Variants in NEFH observed in about 807,000 individuals in gnomAD.
The protein encoded by NEFH is neurofilament heavy polypeptide.
In NEFH, 58 loss-of-function variants were observed where a neutral mutation model predicts 56.6. The observed-to-expected ratio is 1.03, with a 90% confidence interval of 0.83 to 1.28. The LOEUF is 1.28. Among genes scored for constraint, NEFH ranks in the 50% most tolerant of loss-of-function variants. The pLI is 0.00. For synonymous variants in NEFH, 542 were observed against 545.8 expected (o/e 0.99, Z 0.10); for missense variants, 1,221 against 1,307.6 (o/e 0.93, Z 1.02).
intron 2 of NEFH, among the ~76,000 whole-genome samples, chr22:29,484,402 G>A (rs1410938525): frequency 6.6e-6 from 1 of 152,060 alleles, no homozygotes; most frequent in Non-Finnish European, 1.5e-5. Flanking sequence ...CACTTTAGGA[G>A]GCCAAGGCGG....
intron 2 of NEFH, among the ~76,000 whole-genome samples, chr22:29,484,105 C>G (rs912611388): frequency 6.6e-5 from 10 of 152,162 alleles, no homozygotes; most frequent in Non-Finnish European, 1.0e-4. Flanking sequence ...CCACTTCAGC[C>G]TCCCAAAGTG....
At position 29,490,232 on chromosome 22, in the gene NEFH, A is replaced by G; in HGVS notation, c.2592A>G (p.Ala864=). The change falls in exon 4 of 4, where the codon GCA becomes GCG. Residue 864 remains alanine, a synonymous_variant. Coordinates refer to ENST00000310624, the MANE Select transcript of NEFH (RefSeq NM_021076.4). ...EEKKDSKKEE[A]PKKEAPKPKV... ...AGAAGGACAGCAAGAAAGAGGAGGC[A>G]CCCAAGAAGGAGGCTCCAAAGCCCA... 1 of 1,610,952 alleles carries G rather than the reference A, an allele frequency of 6.2e-7. No individual in the cohort carries two copies. Among genetic ancestry groups the G allele is most frequent in the Non-Finnish European group, 8.5e-7 (1 of 1,178,488 alleles).
At chr22:29,482,240 C>G (rs951306151) in intron 1 of NEFH, among the ~76,000 whole-genome samples, 5 of 152,210 alleles carry the variant, frequency 3.3e-5, no homozygotes, top group African/African-American at 1.2e-4. Flanking sequence ...CAAGGCCCCT[C>G]CCTGCGCAAA....
At chr22:29,486,519 CTTTTTTTT>C in intron 3 of NEFH, among the ~76,000 whole-genome samples, 1 of 102,480 alleles carries the variant, frequency 9.8e-6, no homozygotes, top group South Asian at 3.5e-4. Context: ...AGACATGAGT[CTTTTTTTT>C]TTTTTTTTTT....
In NEFH at chr22:29,484,199, G is replaced by A. The variant is rs559998987; in HGVS notation, c.1083+625G>A. On this transcript the variant is annotated intron_variant, in intron 2 of 3. Transcript: ENST00000310624. The stretch of plus-strand genomic sequence containing the variant: ...TTAGTGTGAACTTGTGAATGAGCTC[G>A]GCAAGGTCTTCAACATTCGAATCTT... Among the ~76,000 whole-genome samples, 14 of 152,208 alleles carry A rather than the reference G, an allele frequency of 9.2e-5. No individual in the cohort carries two copies. The East Asian group carries it at 1.2e-3, about 13-fold the overall frequency.
At chr22:29,485,459 C>T (rs557558475) in intron 2 of NEFH, among the ~76,000 whole-genome samples, 3 of 152,218 alleles carry the variant, frequency 2.0e-5, no homozygotes, top group Non-Finnish European at 4.4e-5. Context: ...ATCCTGCCAG[C>T]CAAACCAGCA....
rs570167906 is a variant in NEFH, at chr22:29,483,641, T to C, written c.1083+67T>C. The C allele has an allele frequency of 4.6e-6, 7 of 1,509,734 alleles. No individual in the cohort carries two copies. The South Asian group carries it at 8.0e-5, about 17-fold the overall frequency. 93.5% of individuals were successfully genotyped at this position (1,509,734 alleles called of 1,614,324 possible). A position where few individuals can be genotyped will look rare whatever the true frequency, so the allele number is the denominator to read the frequency against. ...TTGGGTAGCCCTGGACAAGTTACTG[T>C]CCCTCACTGAGTGGGGTTGTAGTGG... On this transcript the variant is annotated intron_variant, in intron 2 of 3. Coordinates refer to ENST00000310624, the MANE Select transcript of NEFH (RefSeq NM_021076.4).
intron 1 of NEFH, 78 bp downstream of exon 1, chr22:29,481,223 G>C: frequency 7.1e-7 from 1 of 1,408,418 alleles, no homozygotes; most frequent in Admixed American, 2.0e-5. Context: ...GACCCAAGGG[G>C]GCGCTGCCGG....
chr22:29,489,962 A>C lies in NEFH; in HGVS notation c.2322A>C (p.Ala774=). 6.2e-7 allele frequency: 1 copy of C among 1,613,624 alleles called. No individual in the cohort carries two copies. The highest frequency in any genetic ancestry group is 2.2e-5 in the East Asian group (1 of 44,844). Residue 774 remains alanine, a synonymous_variant, in exon 4 of 4, where the codon GCA becomes GCC. Coordinates refer to ENST00000310624, the MANE Select transcript of NEFH (RefSeq NM_021076.4). ...PEAKTPAKEE[A]RSPADKFPEK... ...CCAAGACTCCAGCGAAGGAGGAAGC[A>C]AGGTCCCCTGCAGACAAATTCCCTG...
Position 29,480,782 on chromosome 22 carries a change from C to T in NEFH, c.520C>T (p.Leu174=). 1.4e-6 allele frequency: 2 copies of T among 1,432,560 alleles called. No homozygotes were observed. Among genetic ancestry groups the T allele is most frequent in the African/African-American group, 1.5e-5 (1 of 66,204 alleles). 88.7% of individuals were successfully genotyped at this position (1,432,560 alleles called of 1,614,324 possible). Reference sequence around the variant, plus strand: ...TCAGCTACGCCTGGAGCAGGAGCACCTGCTCGAGGACATCGCGCACGTGCG... The same window carrying T: ...TCAGCTACGCCTGGAGCAGGAGCACTTGCTCGAGGACATCGCGCACGTGCG... ...RGQLRLEQEH[L]LEDIAHVRQR... is the part of the protein sequence containing the mutation. The change falls in exon 1 of 4, where the codon CTG becomes TTG. Residue 174 remains leucine, a synonymous_variant. Coordinates refer to ENST00000310624, the MANE Select transcript of NEFH (RefSeq NM_021076.4).
chr22:29,488,420 G>A (rs554833319), intron 3 of NEFH, among the ~76,000 whole-genome samples: 2 of 152,194 alleles, frequency 1.3e-5, no homozygotes, highest in East Asian at 3.9e-4. Context: ...GTTTGCTCAG[G>A]CTCCCAGGGT....
rs1326169574 is a variant in NEFH at position 29,480,602 on chromosome 22, A to T, written c.340A>T (p.Lys114Ter). The T allele has an allele frequency of 6.4e-7, 1 of 1,563,724 alleles. No homozygotes were observed. The highest frequency in any genetic ancestry group is 1.2e-5 in the South Asian group (1 of 86,236). Residue 114 changes from lysine (K) to a stop codon, truncating the protein, a stop_gained, in exon 1 of 4, where the codon AAG becomes TAG. Coordinates refer to ENST00000310624, the MANE Select transcript of NEFH (RefSeq NM_021076.4). LOFTEE classifies it high-confidence loss of function. ...LNDRFAGYID[K>*]VRQLEAHNRS... ...CGACCGCTTCGCCGGGTACATCGAC[A>T]AGGTGCGGCAGCTGGAGGCGCACAA... is the stretch of plus-strand genomic sequence containing the variant.
At chr22:29,482,876 G>A (rs60499988) in intron 1 of NEFH, among the ~76,000 whole-genome samples, 3,027 of 152,308 alleles carry the variant, frequency 0.02, 105 homozygotes, top group African/African-American at 0.07. Context: ...CACTAGCTGG[G>A]TGGCCTTGGG....
chr22:29,491,046 A>T lies in NEFH; in HGVS notation c.*343A>T. 1 of 405,662 alleles carries T rather than the reference A, an allele frequency of 2.5e-6. No homozygotes were observed. The highest frequency in any genetic ancestry group is 3.6e-5 in the Admixed American group (1 of 27,628). 25.1% of individuals were successfully genotyped at this position (405,662 alleles called of 1,614,324 possible). A position where few individuals can be genotyped will look rare whatever the true frequency, so the allele number is the denominator to read the frequency against. ...CATTTATTGCCTCTATGTGCAACTG[A>T]CAGATGACCGCAATAATGAATGAGC... On this transcript the variant is annotated 3_prime_UTR_variant, in exon 4 of 4. Transcript: ENST00000310624.
chr22:29,488,796 A>G, intron 3 of NEFH, 53 bp from the exon 4 acceptor site: 1 of 1,565,362 alleles, frequency 6.4e-7, no homozygotes, highest in Non-Finnish European at 8.8e-7. Context: ...AAGAACCCAA[A>G]TAGTGAATTT....
In NEFH at chr22:29,489,227, G is replaced by A. The variant is rs756732651; in HGVS notation, c.1587G>A (p.Glu529=). 36 of 1,614,026 alleles carry A rather than the reference G, an allele frequency of 2.2e-5. 1 individual carries two copies. Among genetic ancestry groups the A allele is most frequent in the Non-Finnish European group, 3.1e-5 (36 of 1,180,040 alleles). Residue 529 remains glutamate (E), a synonymous_variant, in exon 4 of 4, where the codon GAG becomes GAA. Coordinates refer to ENST00000310624, the MANE Select transcript of NEFH (RefSeq NM_021076.4). ...PVKEEAKSPA[E]AKSPEKEEAK... ...AGGAAGAGGCAAAGTCACCGGCTGA[G>A]GCCAAGTCCCCAGAGAAGGAGGAAG...
chr22:29,487,190 G>T (rs929038473), intron 3 of NEFH, among the ~76,000 whole-genome samples: 3 of 152,194 alleles, frequency 2.0e-5, no homozygotes, highest in Admixed American at 2.0e-4. Context: ...AGCAGGGCTA[G>T]GGAGCAGGAC....
Position 29,480,304 on chromosome 22 carries a change from G to A in NEFH, c.42G>A (p.Pro14=), listed in dbSNP as rs772156483. Residue 14 remains proline (P), a synonymous_variant, in exon 1 of 4, where the codon CCG becomes CCA. Transcript: ENST00000310624. ...GCGCGGACGCGCTGCTGGGCGCCCC[G>A]TTCGCGCCGCTGCATGGCGGCGGCA... ...FGGADALLGA[P]FAPLHGGGSL... 8 of 1,507,044 alleles carry A rather than the reference G, an allele frequency of 5.3e-6. No homozygotes were observed. The African/African-American group carries it at 8.7e-5, about 16-fold the overall frequency. 93.4% of individuals were successfully genotyped at this position (1,507,044 alleles called of 1,614,324 possible). A position where few individuals can be genotyped will look rare whatever the true frequency, so the allele number is the denominator to read the frequency against.
chr22:29,485,166 G>C (rs1227225788), intron 2 of NEFH, among the ~76,000 whole-genome samples: 1 of 152,116 alleles, frequency 6.6e-6, no homozygotes, highest in Non-Finnish European at 1.5e-5. Context: ...ACAGTGGTAT[G>C]ATCTTGGCTC....
Sources: allele counts gnomAD v4.1 joint callset (sites outside exome capture counted in the v4.1 genomes callset), GRCh38; gene constraint gnomAD v4.1.1; transcripts MANE v1.5; gene names NCBI Gene and HGNC (gene_info 2026-07-23, HGNC 2026-07-21).